GUCY1A1: variants seen among roughly 807,000 people sequenced by gnomAD.
The protein encoded by GUCY1A1 is guanylate cyclase soluble subunit alpha-1.
In GUCY1A1, 48 loss-of-function variants were observed where a neutral mutation model predicts 64.5. The observed-to-expected ratio is 0.74, with a 90% confidence interval of 0.59 to 0.95. The LOEUF (loss-of-function observed/expected upper bound fraction) is 0.95, where lower values mean the gene tolerates loss of function less well. Among genes scored for constraint, GUCY1A1 ranks in the 40% least tolerant of loss-of-function variants. GUCY1A1 has a pLI of 0.00. For missense variants in GUCY1A1, 804 were observed against 825.3 expected, an observed-to-expected ratio of 0.97 and a Z score of 0.32; for synonymous variants, 308 against 303.4, an observed-to-expected ratio of 1.02 and a Z score of -0.16.
chr4:155,676,980 C>T (rs1735037067), intron 2 of GUCY1A1, among the ~76,000 whole-genome samples: 1 of 151,532 alleles, frequency 6.6e-6, no homozygotes, highest in African/African-American at 2.5e-5. Context: ...CCCATCACAA[C>T]CTGTCATGAC....
intron 2 of GUCY1A1, among the ~76,000 whole-genome samples, chr4:155,691,115 A>G (rs1729681854): frequency 6.6e-6 from 1 of 152,266 alleles, no homozygotes; most frequent in South Asian, 2.1e-4. Flanking sequence ...TATCAGTAAC[A>G]TACTAAAGCA....
At chr4:155,674,398 CAT>C (rs1734602967) in intron 2 of GUCY1A1, among the ~76,000 whole-genome samples, 2 of 150,360 alleles carry the variant, frequency 1.3e-5, no homozygotes, top group East Asian at 1.9e-4. Context: ...ACAAAGAAAA[CAT>C]GTGCTATCAT....
At position 155,732,908 on chromosome 4, in the gene GUCY1A1, T is replaced by C. The variant is rs754755345; in HGVS notation, c.*2677T>C. Among the ~76,000 whole-genome samples the C allele has an allele frequency of 2.0e-5, 3 of 151,912 alleles. No individual in the cohort carries two copies. Among genetic ancestry groups the C allele is most frequent in the Non-Finnish European group, 2.9e-5 (2 of 67,886 alleles). ...TATATAAATTATCTCCTTATACATA[T>C]TTCTCAGGCAAGCACAGAGTTATAC... On this transcript the variant is annotated 3_prime_UTR_variant, in exon 10 of 10. Coordinates refer to ENST00000506455, the MANE Select transcript of GUCY1A1 (RefSeq NM_001130682.3).
chr4:155,695,033 C>G (rs11946789), intron 2 of GUCY1A1, among the ~76,000 whole-genome samples: 20,531 of 152,204 alleles, frequency 0.13, 1,505 homozygotes, highest in South Asian at 0.21. Context: ...AAATTTTCTA[C>G]TCATAAATGC....
At chr4:155,673,144 A>G (rs1317240900) in intron 2 of GUCY1A1, among the ~76,000 whole-genome samples, 1 of 147,134 alleles carries the variant, frequency 6.8e-6, no homozygotes, top group Non-Finnish European at 1.5e-5. Flanking sequence ...TTAAAAGGAC[A>G]TTTTTTCTTT....
Position 155,732,103 on chromosome 4 carries a change from A to G in GUCY1A1, c.*1872A>G, listed in dbSNP as rs1735620156. The G allele has an allele frequency of 6.6e-6, 1 of 151,884 alleles. No homozygotes were observed. Among genetic ancestry groups the G allele is most frequent in the African/African-American group, 2.4e-5 (1 of 41,418 alleles). The allele number at this position is 151,884 out of a possible 1,614,324, so 9.4% of individuals were successfully genotyped here. The stretch of plus-strand genomic sequence containing the variant: ...AAGAAAATGTAAAAGCATGAAATGG[A>G]ATGTAGTCTTGATCAAACATTTCAG... On this transcript the variant is annotated 3_prime_UTR_variant, in exon 10 of 10. Coordinates refer to ENST00000506455, the MANE Select transcript of GUCY1A1 (RefSeq NM_001130682.3).
At position 155,703,795 on chromosome 4, in the gene GUCY1A1, A is replaced by G. The variant is rs10021482; in HGVS notation, c.256-137A>G. 2,860 of 615,292 alleles carry G rather than the reference A, an allele frequency of 4.6e-3. 54 individuals carry two copies. In the African/African-American group the frequency reaches 0.049, roughly 11 times the overall value. 38.1% of individuals were successfully genotyped at this position (615,292 alleles called of 1,614,324 possible). On this transcript the variant is annotated intron_variant, in intron 3 of 9. Coordinates refer to ENST00000506455, the MANE Select transcript of GUCY1A1 (RefSeq NM_001130682.3). Reference sequence around the variant, plus strand: ...CTTCCAGTTTCCAAAGTGAAAATTCATAACATTTATCATTCAAGCAATTGT... The same window carrying G: ...CTTCCAGTTTCCAAAGTGAAAATTCGTAACATTTATCATTCAAGCAATTGT...
Position 155,696,827 on chromosome 4 carries a change from C to A in GUCY1A1, c.-41C>A, listed in dbSNP as rs1560933397. 2 of 1,597,156 alleles carry A rather than the reference C, an allele frequency of 1.3e-6. No homozygotes were observed. The highest frequency in any genetic ancestry group is 2.2e-5 in the East Asian group (1 of 44,780). On this transcript the variant is annotated 5_prime_UTR_variant, in exon 3 of 10. Transcript: ENST00000506455. ...TCAGTCTCATATAAGAACTACAGCT[C>A]ATCAGGAGGAGATCGCAGCAGGGTA... is the stretch of plus-strand genomic sequence containing the variant.
intron 2 of GUCY1A1, among the ~76,000 whole-genome samples, chr4:155,673,934 A>G (rs1734507280): frequency 1.3e-5 from 2 of 151,516 alleles, no homozygotes; most frequent in South Asian, 4.1e-4. Flanking sequence ...TATGATATGA[A>G]TAATTACTTG....
In GUCY1A1 at chr4:155,735,661, T is replaced by C. The variant is rs1334245180; in HGVS notation, c.*5430T>C. 6.6e-6 allele frequency: 1 copy of C among 152,032 alleles called. No individual in the cohort carries two copies. The highest frequency in any genetic ancestry group is 1.9e-4 in the East Asian group (1 of 5,164). The allele number at this position is 152,032 out of a possible 1,614,324, so 9.4% of individuals were successfully genotyped here. On this transcript the variant is annotated 3_prime_UTR_variant, in exon 10 of 10. Coordinates refer to ENST00000506455, the MANE Select transcript of GUCY1A1 (RefSeq NM_001130682.3). ...CCAAATCTTGAAGTATCTGCTCAGA[T>C]GTTTGTTCCATCTGAAATGCTGCCA...
chr4:155,724,621 C>T (rs1260952110), intron 9 of GUCY1A1, among the ~76,000 whole-genome samples: 1 of 152,042 alleles, frequency 6.6e-6, no homozygotes, highest in African/African-American at 2.4e-5. Context: ...GCACCACATT[C>T]ACCTAGTTTT....
At chr4:155,687,800 G>A (rs540326374) in intron 2 of GUCY1A1, among the ~76,000 whole-genome samples, 39 of 152,172 alleles carry the variant, frequency 2.6e-4, no homozygotes, top group African/African-American at 8.4e-4. Context: ...TAACTGCTAC[G>A]CCAACTCCAC....
At chr4:155,682,077 A>G (rs1735852801) in intron 2 of GUCY1A1, among the ~76,000 whole-genome samples, 1 of 151,984 alleles carries the variant, frequency 6.6e-6, no homozygotes, top group African/African-American at 2.4e-5. Context: ...TGCCAACTTT[A>G]ATTTTATAAT....
At chr4:155,705,950 T>G (rs2126811895) in intron 4 of GUCY1A1, among the ~76,000 whole-genome samples, 1 of 152,316 alleles carries the variant, frequency 6.6e-6, no homozygotes, top group South Asian at 2.1e-4. Context: ...TAAGATAGTC[T>G]TAAGTCTCTC....
intron 2 of GUCY1A1, among the ~76,000 whole-genome samples, chr4:155,676,798 T>C (rs867355776): frequency 6.6e-6 from 1 of 151,624 alleles, no homozygotes; most frequent in Non-Finnish European, 1.5e-5. Flanking sequence ...AACCTTTTTT[T>C]GTTTTCCAGT....
chr4:155,679,471 G>A (rs1735414420), intron 2 of GUCY1A1, among the ~76,000 whole-genome samples: 2 of 152,178 alleles, frequency 1.3e-5, no homozygotes, highest in Admixed American at 6.5e-5. Context: ...GTGAAGGGGA[G>A]CCAGCGTGTG....
chr4:155,703,964 A>G lies in GUCY1A1; in HGVS notation c.288A>G (p.Thr96=), dbSNP rs757855781. ...GGCTGAATGTTGCACTTCAGAGAAC[A>G]TTGGCAAAGCACAAAATAAAAGAAA... ...FERLNVALQR[T]LAKHKIKESR... Residue 96 remains threonine, a synonymous_variant, in exon 4 of 10, where the codon ACA becomes ACG. Coordinates refer to ENST00000506455, the MANE Select transcript of GUCY1A1 (RefSeq NM_001130682.3). The G allele has an allele frequency of 1.9e-6, 3 of 1,608,840 alleles. No homozygotes were observed. The highest frequency in any genetic ancestry group is 2.5e-6 in the Non-Finnish European group (3 of 1,177,260).
intron 4 of GUCY1A1, among the ~76,000 whole-genome samples, chr4:155,706,708 A>T (rs1452185229): frequency 1.3e-5 from 2 of 152,214 alleles, no homozygotes; most frequent in East Asian, 1.9e-4. Flanking sequence ...TGGCTGGTGC[A>T]TGTGCAATGC....
At chr4:155,687,376 T>C (rs1729133093) in intron 2 of GUCY1A1, among the ~76,000 whole-genome samples, 1 of 152,188 alleles carries the variant, frequency 6.6e-6, no homozygotes, top group African/African-American at 2.4e-5. Context: ...TTTATCTTTT[T>C]TTAAAAAAAT....
Sources: allele counts gnomAD v4.1 joint callset (sites outside exome capture counted in the v4.1 genomes callset), GRCh38; gene constraint gnomAD v4.1.1; transcripts MANE v1.5; gene names NCBI Gene and HGNC (gene_info 2026-07-23, HGNC 2026-07-21).